SEPTIN9: variants seen among roughly 807,000 people sequenced by gnomAD.
SEPTIN9 encodes the protein septin-9.
Under a neutral mutation model 56.6 loss-of-function variants are expected in SEPTIN9, and 13 were observed. The ratio of observed to expected loss-of-function variants is 0.23; its 90% CI spans 0.15 to 0.37. The LOEUF (loss-of-function observed/expected upper bound fraction) is 0.37. Among genes scored for constraint, SEPTIN9 ranks in the 10% least tolerant of loss-of-function variants. The pLI, the probability that SEPTIN9 is intolerant of heterozygous loss-of-function variation, is 1.00. For synonymous variants in SEPTIN9, 332 were observed against 334.1 expected, an observed-to-expected ratio of 0.99 and a Z score of 0.07; for missense variants, 650 against 823.1, an observed-to-expected ratio of 0.79 and a Z score of 2.57.
In SEPTIN9 at chr17:77,490,691, C is replaced by T. The variant is rs1175500067; in HGVS notation, c.1263-51C>T. 4.0e-5 allele frequency: 56 copies of T among 1,397,306 alleles called. 1 individual carries two copies. Among genetic ancestry groups the T allele is most frequent in the Non-Finnish European group, 1.3e-5 (13 of 1,007,044 alleles). 86.6% of individuals were successfully genotyped at this position (1,397,306 alleles called of 1,614,324 possible). On this transcript the variant is annotated intron_variant, in intron 7 of 11. Coordinates refer to ENST00000427177, the MANE Select transcript of SEPTIN9 (RefSeq NM_001113491.2). ...ACACCTGCTTGGGGGTGGGTGCCCC[C>T]CCACTGCCCCGCTCCCCCAGATGAG...
chr17:77,486,487 GGTGTGTGTGTGTGTGTGT>G lies in SEPTIN9; in HGVS notation c.914-919_914-902del, dbSNP rs773025304. On this transcript the variant is annotated intron_variant, in intron 4 of 11. Coordinates refer to ENST00000427177, the MANE Select transcript of SEPTIN9 (RefSeq NM_001113491.2). ...AGCAATGGGGCTCCGAGTCTGGAGG[GGTGTGTGTGTGTGTGTGT>G]GTGTGTGTGTGTGTGTGCGCGCACG... Among the ~76,000 whole-genome samples the G allele has an allele frequency of 2.8e-5, 4 of 143,744 alleles. No individual in the cohort carries two copies. In the South Asian group the frequency reaches 6.7e-4, roughly 24 times the overall value. The allele number at this position is 143,744 out of a possible 152,430, so 94.3% of individuals were successfully genotyped here.
Position 77,338,649 on chromosome 17 carries a change from C to T in SEPTIN9, c.76+31452C>T, listed in dbSNP as rs1475818587. Among the ~76,000 whole-genome samples the T allele has an allele frequency of 2.0e-5, 3 of 152,294 alleles. No homozygotes were observed. In the East Asian group the frequency reaches 5.8e-4, roughly 29 times the overall value. Reference sequence around the variant, plus strand: ...GGCCAGGCTGGTCTCAAACTCCTGACCTCAGGTGATCCACCTGCCTTGGCC... The same window carrying T: ...GGCCAGGCTGGTCTCAAACTCCTGATCTCAGGTGATCCACCTGCCTTGGCC... On this transcript the variant is annotated intron_variant, in intron 2 of 11. Transcript: ENST00000427177.
intron 3 of SEPTIN9, among the ~76,000 whole-genome samples, chr17:77,454,900 C>T (rs1035670516): frequency 6.6e-6 from 1 of 152,150 alleles, no homozygotes; most frequent in Non-Finnish European, 1.5e-5. Context: ...GTTGCTTCAT[C>T]CCAGCCGACT....
At position 77,482,173 on chromosome 17, in the gene SEPTIN9, G is replaced by A. The variant is rs536822441; in HGVS notation, c.751G>A (p.Asp251Asn). Residue 251 changes from aspartate to asparagine, a missense_variant, in exon 4 of 12, where the codon GAC becomes AAC. By Grantham distance (23) the Asp-to-Asn change is conservative. Transcript: ENST00000427177. ...TGAGGCGGCTCCCAGCTGCGTTGGC[G>A]ACATGGCCGACACCCCCAGAGATGC... ...ATEAAPSCVG[D>N]MADTPRDAGL... The A allele has an allele frequency of 1.0e-5, 16 of 1,598,788 alleles. No individual in the cohort carries two copies. Among genetic ancestry groups the A allele is most frequent in the Admixed American group, 1.7e-5 (1 of 57,160 alleles).
chr17:77,470,560 A>G (rs1050775481), intron 3 of SEPTIN9, among the ~76,000 whole-genome samples: 1 of 152,048 alleles, frequency 6.6e-6, no homozygotes, highest in Non-Finnish European at 1.5e-5. Context: ...TCATCCACCT[A>G]TCTACTCATC....
chr17:77,427,387 G>A (rs1406544789), intron 3 of SEPTIN9, among the ~76,000 whole-genome samples: 2 of 152,194 alleles, frequency 1.3e-5, no homozygotes, highest in African/African-American at 4.8e-5. Flanking sequence ...CTGAGTTAGG[G>A]TAGAGCCATG....
chr17:77,439,021 A>AT (rs377327181), intron 3 of SEPTIN9, among the ~76,000 whole-genome samples: 55 of 152,046 alleles, frequency 3.6e-4, no homozygotes, highest in Admixed American at 8.5e-4. Flanking sequence ...CTTTTTGTGG[A>AT]TTTTTTTTGT....
chr17:77,500,422 A>T lies in SEPTIN9; in HGVS notation c.*1764A>T, dbSNP rs1598488154. 1 of 227,402 alleles carries T rather than the reference A, an allele frequency of 4.4e-6. No individual in the cohort carries two copies. Among genetic ancestry groups the T allele is most frequent in the East Asian group, 6.3e-5 (1 of 15,950 alleles). 14.1% of individuals were successfully genotyped at this position (227,402 alleles called of 1,614,324 possible). A position where few individuals can be genotyped will look rare whatever the true frequency, so the allele number is the denominator to read the frequency against. On this transcript the variant is annotated 3_prime_UTR_variant, in exon 12 of 12. Transcript: ENST00000427177. ...TGGGCAGCAGCATCCCAGCCTTGAG[A>T]TGCTTCACTTTCCTTCTCTGTAACC...
chr17:77,479,133 A>G (rs1432708705), intron 3 of SEPTIN9, among the ~76,000 whole-genome samples: 2 of 152,242 alleles, frequency 1.3e-5, no homozygotes, highest in Non-Finnish European at 2.9e-5. Flanking sequence ...TGGACTGCAC[A>G]CTTCAAAATA....
Position 77,323,256 on chromosome 17 carries a change from G to A in SEPTIN9, c.76+16059G>A, listed in dbSNP as rs2033008260. Among the ~76,000 whole-genome samples the A allele has an allele frequency of 6.6e-6, 1 of 152,194 alleles. No homozygotes were observed. Among genetic ancestry groups the A allele is most frequent in the African/African-American group, 2.4e-5 (1 of 41,452 alleles). On this transcript the variant is annotated intron_variant, in intron 2 of 11. Transcript: ENST00000427177. This position sits in a 1 kb window ranked among gnomAD's most constrained non-coding sequence, Gnocchi z 6.8. ...GCAGGGCCGGCATGAGTCATGGAGT[G>A]GTGACTGGCCGCTGAGGCATGGAAG...
In SEPTIN9 at chr17:77,327,655, CAG is replaced by C. The variant is rs1315807769; in HGVS notation, c.76+20463_76+20464del. Among the ~76,000 whole-genome samples the C allele has an allele frequency of 1.3e-5, 2 of 152,188 alleles. No individual in the cohort carries two copies. Among genetic ancestry groups the C allele is most frequent in the South Asian group, 2.1e-4 (1 of 4,834 alleles). On this transcript the variant is annotated intron_variant, in intron 2 of 11. Transcript: ENST00000427177. This position sits in a 1 kb window ranked among gnomAD's most constrained non-coding sequence, Gnocchi z 5.0. ...TCCAGGCTACGCCTTGAAATTGGGA[CAG>C]AGAGTGGCGCAGATCTCAGCCCGGA...
chr17:77,356,909 G>A (rs1047315794), intron 2 of SEPTIN9, among the ~76,000 whole-genome samples: 15 of 150,450 alleles, frequency 1.0e-4, no homozygotes, highest in South Asian at 2.1e-4. Context: ...GGAAGGCGCC[G>A]TGGTAGGGGA....
rs886835775 is a variant in SEPTIN9 at position 77,451,209 on chromosome 17, C to T, written c.722-30935C>T. On this transcript the variant is annotated intron_variant, in intron 3 of 11. Transcript: ENST00000427177. The surrounding 1 kb of genome is among the most constrained non-coding windows in gnomAD (Gnocchi z 4.2). ...CTCTTCCCAGGGACCCTGTCACTTT[C>T]CTTTAGCGTGTGGCAGCTCCTTGGC... The T allele has an allele frequency of 2.5e-5, 5 of 198,164 alleles. No homozygotes were observed. The highest frequency in any genetic ancestry group is 4.7e-5 in the African/African-American group (2 of 42,414). 12.3% of individuals were successfully genotyped at this position (198,164 alleles called of 1,614,324 possible).
chr17:77,438,916 G>A (rs2037447908), intron 3 of SEPTIN9, among the ~76,000 whole-genome samples: 1 of 152,174 alleles, frequency 6.6e-6, no homozygotes, highest in African/African-American at 2.4e-5. Flanking sequence ...CATAGGAAAG[G>A]TCTCCCATGT....
intron 1 of SEPTIN9, among the ~76,000 whole-genome samples, chr17:77,292,198 G>T (rs951973031): frequency 6.6e-6 from 1 of 152,216 alleles, no homozygotes; most frequent in African/African-American, 2.4e-5. Flanking sequence ...TTGTGCAACA[G>T]TTTCTTCTGG....
rs2032824643 is a variant in SEPTIN9 at position 77,319,492 on chromosome 17, T to G, written c.76+12295T>G. ...GGAAGTCCCCGTCCCGTTCGCCCTCTCTGCCTGGGCGGGGACGGCAACTGC... is the reference window on the plus strand; with the variant it reads ...GGAAGTCCCCGTCCCGTTCGCCCTCGCTGCCTGGGCGGGGACGGCAACTGC... On this transcript the variant is annotated intron_variant, in intron 2 of 11. Coordinates refer to ENST00000427177, the MANE Select transcript of SEPTIN9 (RefSeq NM_001113491.2). This position sits in a 1 kb window ranked among gnomAD's most constrained non-coding sequence, Gnocchi z 5.3. The G allele has an allele frequency of 1.0e-6, 1 of 1,003,574 alleles. No individual in the cohort carries two copies. Among genetic ancestry groups the G allele is most frequent in the Admixed American group, 5.7e-5 (1 of 17,632 alleles). 62.2% of individuals were successfully genotyped at this position (1,003,574 alleles called of 1,614,324 possible). A position where few individuals can be genotyped will look rare whatever the true frequency, so the allele number is the denominator to read the frequency against.
At position 77,400,740 on chromosome 17, in the gene SEPTIN9, G is replaced by A. The variant is rs557180370; in HGVS notation, c.77-1319G>A. ...CCTGGTGAGGCAGGGAGCGGCTGGG[G>A]AGACACTGTGGGTCTCCACAGGGGT... On this transcript the variant is annotated intron_variant, in intron 2 of 11. Transcript: ENST00000427177. The surrounding 1 kb of genome is among the most constrained non-coding windows in gnomAD (Gnocchi z 4.1). 2 of 152,686 alleles carry A rather than the reference G, an allele frequency of 1.3e-5. No individual in the cohort carries two copies. The highest frequency in any genetic ancestry group is 3.8e-4 in the East Asian group (2 of 5,200). The allele number at this position is 152,686 out of a possible 1,614,324, so 9.5% of individuals were successfully genotyped here. A position where few individuals can be genotyped will look rare whatever the true frequency, so the allele number is the denominator to read the frequency against.
rs1306450938 is a variant in SEPTIN9, at chr17:77,475,016, A to G, written c.722-7128A>G. On this transcript the variant is annotated intron_variant, in intron 3 of 11. Transcript: ENST00000427177. This position sits in a 1 kb window ranked among gnomAD's most constrained non-coding sequence, Gnocchi z 4.6. ...GACCCACTCTCTAAAAAAAAAAATT[A>G]GAGTAACGCCTGGCACAGAGAGCCC... Among the ~76,000 whole-genome samples the G allele has an allele frequency of 6.6e-6, 1 of 152,082 alleles. No individual in the cohort carries two copies. Among genetic ancestry groups the G allele is most frequent in the African/African-American group, 2.4e-5 (1 of 41,414 alleles).
rs1039325615 is a variant in SEPTIN9, at chr17:77,389,062, C to G, written c.77-12997C>G. ...GCCTCAGAACAGACACTGACCAACA[C>G]GCTCCTCAGGGTCTCCAGGTCCGGG... On this transcript the variant is annotated intron_variant, in intron 2 of 11. Transcript: ENST00000427177. The surrounding 1 kb of genome is among the most constrained non-coding windows in gnomAD (Gnocchi z 4.3). Among the ~76,000 whole-genome samples, 1 of 152,086 alleles carries G rather than the reference C, an allele frequency of 6.6e-6. No individual in the cohort carries two copies. Among genetic ancestry groups the G allele is most frequent in the South Asian group, 2.1e-4 (1 of 4,826 alleles).
Sources: allele counts gnomAD v4.1 joint callset (sites outside exome capture counted in the v4.1 genomes callset), GRCh38; gene constraint gnomAD v4.1.1; non-coding constraint Gnocchi (gnomAD v3.1); transcripts MANE v1.5; gene names NCBI Gene and HGNC (gene_info 2026-07-23, HGNC 2026-07-21).